COL28A1: variants seen among roughly 807,000 people sequenced by gnomAD.
The protein encoded by COL28A1 is collagen type XXVIII alpha 1 chain, also known as collagen alpha-1(XXVIII) chain.
COL28A1 carries 161 observed loss-of-function variants against 150.2 expected under a neutral mutation model. The observed-to-expected ratio is 1.07, with a 90% CI of 0.94 to 1.22. COL28A1 has a LOEUF of 1.22. Among genes scored for constraint, COL28A1 ranks in the 50% most tolerant of loss-of-function variants. The pLI, the probability that COL28A1 is intolerant of heterozygous loss-of-function variation, is 0.00. For synonymous variants in COL28A1, 552 were observed against 469.7 expected, an observed-to-expected ratio of 1.18 and a Z score of -2.26; for missense variants, 1,617 against 1,388.3, an observed-to-expected ratio of 1.16 and a Z score of -2.62.
In COL28A1 at chr7:7,452,362, G is replaced by A; in HGVS notation, c.1466C>T (p.Thr489Ile). ...AATTCCCACTGGTCCTCGAGGGCCT[G>A]TAGGTCCCATTTGGCCTACTTCTCC... ...SKGEVGQMGP[T>I]GPRGPVGIGV... The change falls in exon 18 of 35, where the codon ACA becomes ATA. Residue 489 changes from threonine (T) to isoleucine (I), a missense_variant. Thr to Ile is a moderately conservative substitution (Grantham distance 89). Transcript: ENST00000399429. The A allele has an allele frequency of 6.2e-7, 1 of 1,603,958 alleles. No individual in the cohort carries two copies. Among genetic ancestry groups the A allele is most frequent in the South Asian group, 1.1e-5 (1 of 88,700 alleles).
At chr7:7,528,812 C>T (rs1471212398) in intron 3 of COL28A1, among the ~76,000 whole-genome samples, 1 of 152,112 alleles carries the variant, frequency 6.6e-6, no homozygotes, top group Non-Finnish European at 1.5e-5. Context: ...TTGGTAGTTT[C>T]ATAGGTGTGT....
At position 7,531,608 on chromosome 7, in the gene COL28A1, T is replaced by A; in HGVS notation, c.421A>T (p.Thr141Ser). The change falls in exon 3 of 35, where the codon ACT becomes TCT. Residue 141 changes from threonine (T) to serine (S), a missense_variant. Thr to Ser is a moderately conservative substitution (Grantham distance 58, BLOSUM62 1). Transcript: ENST00000399429. ...CGCCCTTCTCTCTTAAGTAGCCTAG[T>A]GGCATTGGAAATGGCATAATAAGAG... is the stretch of plus-strand genomic sequence containing the variant. The part of the protein sequence containing the change: ...TFSYYAISNA[T>S]RLLKREGRKD... The A allele has an allele frequency of 1.2e-6, 2 of 1,607,014 alleles. No homozygotes were observed. Among genetic ancestry groups the A allele is most frequent in the Non-Finnish European group, 1.7e-6 (2 of 1,173,446 alleles).
intron 18 of COL28A1, among the ~76,000 whole-genome samples, chr7:7,448,179 G>A (rs552350369): frequency 6.6e-6 from 1 of 152,260 alleles, no homozygotes; most frequent in East Asian, 1.9e-4. Flanking sequence ...ATAACTCATA[G>A]ATCTAAGAAT....
At chr7:7,391,048 T>C (rs780815031) in intron 27 of COL28A1, among the ~76,000 whole-genome samples, 9 of 152,190 alleles carry the variant, frequency 5.9e-5, no homozygotes, top group Non-Finnish European at 1.2e-4. Flanking sequence ...CTTGTTTCTC[T>C]AGTTCTTTAG....
At position 7,431,769 on chromosome 7, in the gene COL28A1, A is replaced by G. The variant is rs182736646; in HGVS notation, c.1998+704T>C. 50 of 321,868 alleles carry G rather than the reference A, an allele frequency of 1.6e-4. No homozygotes were observed. In the East Asian group the frequency reaches 2.8e-3, roughly 18 times the overall value. 19.9% of individuals were successfully genotyped at this position (321,868 alleles called of 1,614,324 possible). A position where few individuals can be genotyped will look rare whatever the true frequency, so the allele number is the denominator to read the frequency against. The stretch of plus-strand genomic sequence containing the variant: ...CAGAGGTGGAACAGAGGGAAGACCA[A>G]TGAAGAGGCTATTTTTACAGCCCAC... On this transcript the variant is annotated intron_variant, in intron 25 of 34. Coordinates refer to ENST00000399429, the MANE Select transcript of COL28A1 (RefSeq NM_001037763.3).
At chr7:7,526,623 A>G (rs901966912) in intron 3 of COL28A1, among the ~76,000 whole-genome samples, 3 of 152,140 alleles carry the variant, frequency 2.0e-5, no homozygotes, top group Admixed American at 6.5e-5. Context: ...TCTTTTAACA[A>G]TGAGCAATAT....
intron 18 of COL28A1, among the ~76,000 whole-genome samples, chr7:7,449,710 C>A (rs967566220): frequency 5.9e-5 from 9 of 151,846 alleles, no homozygotes; most frequent in Admixed American, 3.9e-4. Context: ...AAAAAATTCT[C>A]CTATAGACCT....
chr7:7,348,643 CTCTTTTTT>C, the COL28A1 span, among the ~76,000 whole-genome samples: 1 of 151,548 alleles, frequency 6.6e-6, no homozygotes, highest in Non-Finnish European at 1.5e-5. Context: ...TTAGTTTCTG[CTCTTTTTT>C]TTTTATTATT....
rs78984420 is a variant in COL28A1 at position 7,382,348 on chromosome 7, G to A, written c.2137-736C>T. ...AGAAAAAAAATGTCATTTTAGTAAC[G>A]GGGAAAAGAGTATATAACAGCATCC... is the stretch of plus-strand genomic sequence containing the variant. On this transcript the variant is annotated intron_variant, in intron 27 of 34. Transcript: ENST00000399429. Among the ~76,000 whole-genome samples, 416 of 151,516 alleles carry A rather than the reference G, an allele frequency of 2.7e-3. 3 individuals carry two copies. The highest frequency in any genetic ancestry group is 9.6e-3 in the African/African-American group (398 of 41,364).
chr7:7,479,040 G>A (rs1387038707), intron 13 of COL28A1, among the ~76,000 whole-genome samples: 4 of 152,226 alleles, frequency 2.6e-5, no homozygotes, highest in East Asian at 3.9e-4. Context: ...AGTGGGCACC[G>A]AGGCTGAGGA....
At chr7:7,453,733 C>T (rs1000884588) in intron 16 of COL28A1, among the ~76,000 whole-genome samples, 5 of 149,898 alleles carry the variant, frequency 3.3e-5, no homozygotes, top group African/African-American at 1.0e-4. Context: ...ATAAAGACCA[C>T]GTTTCTCAGT....
chr7:7,383,557 G>A (rs868611412), intron 27 of COL28A1, among the ~76,000 whole-genome samples: 24 of 151,472 alleles, frequency 1.6e-4, no homozygotes, highest in South Asian at 6.3e-4. Flanking sequence ...GGGATTACAG[G>A]CATGAGCCAC....
At position 7,506,079 on chromosome 7, in the gene COL28A1, T is replaced by A; in HGVS notation, c.973-12A>T. On this transcript the variant is annotated splice_polypyrimidine_tract_variant and intron_variant, in intron 10 of 34. Coordinates refer to ENST00000399429, the MANE Select transcript of COL28A1 (RefSeq NM_001037763.3). ...GGTCCAGTAATTCCCTGCTCCAGGA[T>A]GAAAACCAAGAATTAGTTCTGTGTA... 1 of 1,317,758 alleles carries A rather than the reference T, an allele frequency of 7.6e-7. No individual in the cohort carries two copies. Among genetic ancestry groups the A allele is most frequent in the Non-Finnish European group, 1.1e-6 (1 of 909,596 alleles). 81.6% of individuals were successfully genotyped at this position (1,317,758 alleles called of 1,614,324 possible). A position where few individuals can be genotyped will look rare whatever the true frequency, so the allele number is the denominator to read the frequency against.
rs919928799 is a variant in COL28A1, at chr7:7,458,734, C to T, written c.1303-2622G>A. On this transcript the variant is annotated intron_variant, in intron 15 of 34. Transcript: ENST00000399429. The stretch of plus-strand genomic sequence containing the variant: ...CAACAACCCCTGTAAAGTGGCCATC[C>T]CCATTTTTCAGATGAGTGTAAGTAA... Among the ~76,000 whole-genome samples the T allele has an allele frequency of 2.0e-5, 3 of 152,104 alleles. No individual in the cohort carries two copies. In the South Asian group the frequency reaches 6.2e-4, roughly 32 times the overall value.
intron 27 of COL28A1, among the ~76,000 whole-genome samples, chr7:7,398,815 G>A (rs956706576): frequency 2.0e-5 from 3 of 152,108 alleles, no homozygotes; most frequent in Non-Finnish European, 4.4e-5. Flanking sequence ...GTCTTTGCTG[G>A]CCATCTGCAC....
chr7:7,374,757 C>A (rs1781455117), intron 31 of COL28A1, among the ~76,000 whole-genome samples: 1 of 152,156 alleles, frequency 6.6e-6, no homozygotes, highest in Admixed American at 6.5e-5. Context: ...TAGAGAGACT[C>A]CCAGGCTGCT....
chr7:7,490,827 T>G (rs1779876877), intron 11 of COL28A1, among the ~76,000 whole-genome samples, 181 bp from the exon 12 acceptor site: 1 of 152,182 alleles, frequency 6.6e-6, no homozygotes, highest in Non-Finnish European at 1.5e-5. Flanking sequence ...CAAGATCAAA[T>G]TATCCACTAG....
chr7:7,471,118 A>T (rs1233129365), intron 15 of COL28A1, among the ~76,000 whole-genome samples: 5 of 138,834 alleles, frequency 3.6e-5, no homozygotes, highest in East Asian at 4.0e-4. Flanking sequence ...TAATAAAAAA[A>T]AATAATTAAA....
the COL28A1 span, among the ~76,000 whole-genome samples, chr7:7,348,897 C>T: frequency 6.6e-6 from 1 of 152,034 alleles, no homozygotes; most frequent in African/African-American, 2.4e-5. Flanking sequence ...CACCTGCCGC[C>T]ACACCCAGAT....
Sources: gnomAD v4.1 joint callset for allele counts (sites outside exome capture counted in the v4.1 genomes callset) on GRCh38, gnomAD v4.1.1 for gene constraint, MANE v1.5 for transcripts, NCBI Gene and HGNC (gene_info 2026-07-23, HGNC 2026-07-21) for gene names.